GYS1: variants seen among roughly 807,000 people sequenced by gnomAD.
The protein encoded by GYS1 is glycogen [starch] synthase, muscle.
A neutral mutation model predicts 89.1 loss-of-function variants in GYS1; 60 were observed. The observed-to-expected ratio is 0.67, with a 90% CI of 0.55 to 0.84. The LOEUF (loss-of-function observed/expected upper bound fraction) is 0.84. Among genes scored for constraint, GYS1 ranks in the 40% least tolerant of loss-of-function variants. The pLI is 0.00. For synonymous variants in GYS1, 366 were observed against 401.7 expected (o/e 0.91, Z 1.06); for missense variants, 888 against 1,003.1 (o/e 0.89, Z 1.55).
Position 48,982,335 on chromosome 19 carries a change from TAAA to T in GYS1, c.979_981del (p.Phe327del). 4 of 1,613,782 alleles carry T rather than the reference TAAA, an allele frequency of 2.5e-6. No individual in the cohort carries two copies. The highest frequency in any genetic ancestry group is 1.7e-6 in the Non-Finnish European group (2 of 1,179,884). ...TTGGAGAACTCATAGCGGCCGGCGA[TAAA>T]GAAGTATAAGGTCTTGTCCAAGTTG... On this transcript the variant is annotated inframe_deletion, in exon 7 of 16. Coordinates refer to ENST00000323798, the MANE Select transcript of GYS1 (RefSeq NM_002103.5).
intron 8 of GYS1, among the ~76,000 whole-genome samples, chr19:48,978,787 G>A (rs1054774317): frequency 1.3e-5 from 2 of 151,916 alleles, no homozygotes; most frequent in African/African-American, 4.8e-5. Context: ...TGGCCACCTC[G>A]GCCTCCCAAA....
rs747270749 is a variant in GYS1 at position 48,974,352 on chromosome 19, A to T, written c.1423-13T>A. 3.7e-6 allele frequency: 6 copies of T among 1,613,758 alleles called. No individual in the cohort carries two copies. Among genetic ancestry groups the T allele is most frequent in the Non-Finnish European group, 5.1e-6 (6 of 1,179,940 alleles). On this transcript the variant is annotated splice_polypyrimidine_tract_variant and intron_variant, in intron 11 of 15. Transcript: ENST00000323798. Reference sequence around the variant, plus strand: ...GGTGGAAAATCACCTGGTAGTGAAAAAGAAGGACTCAGCCCAAGTGCCTTA... The same window carrying T: ...GGTGGAAAATCACCTGGTAGTGAAATAGAAGGACTCAGCCCAAGTGCCTTA...
At chr19:48,975,685 T>G (rs1463554955) in intron 10 of GYS1, among the ~76,000 whole-genome samples, 1 of 151,554 alleles carries the variant, frequency 6.6e-6, no homozygotes, top group Non-Finnish European at 1.5e-5. Flanking sequence ...CCCAGCACTC[T>G]GGGAGGCCGA....
intron 12 of GYS1, among the ~76,000 whole-genome samples, chr19:48,973,844 T>C (rs2038602802): frequency 6.6e-6 from 1 of 152,128 alleles, no homozygotes; most frequent in Non-Finnish European, 1.5e-5. Flanking sequence ...CACTGGCTAA[T>C]GTGAACCAAC....
Position 48,990,002 on chromosome 19 carries a change from G to GA in GYS1, c.300+1299_300+1300insT, listed in dbSNP as rs1555800132. Reference sequence around the variant, plus strand: ...AGCTGTTGTCTGCCCTTTTGCTGGGGGGGGGGGGGGGCTATTCTTAGGCCC... The same window carrying GA: ...AGCTGTTGTCTGCCCTTTTGCTGGGGAGGGGGGGGGGGCTATTCTTAGGCCC... On this transcript the variant is annotated intron_variant, in intron 2 of 15. Coordinates refer to ENST00000323798, the MANE Select transcript of GYS1 (RefSeq NM_002103.5). Among the ~76,000 whole-genome samples, 5 of 146,524 alleles carry GA rather than the reference G, an allele frequency of 3.4e-5. No individual in the cohort carries two copies. The East Asian group carries it at 6.0e-4, about 17-fold the overall frequency.
At position 48,987,303 on chromosome 19, in the gene GYS1, C is replaced by T. The variant is rs755470149; in HGVS notation, c.383G>A (p.Arg128His). Residue 128 changes from arginine (R) to histidine (H), a missense_variant, in exon 3 of 16, where the codon CGC becomes CAC. By Grantham distance (29) the Arg-to-His change is conservative. Coordinates refer to ENST00000323798, the MANE Select transcript of GYS1 (RefSeq NM_002103.5). The part of the protein sequence containing the change: ...DVGASAWALE[R>H]WKGELWDTCN... ...GGTATCCCAGAGCTCTCCCTTCCAG[C>T]GCTCCAGGGCCCAAGCTGAGGCACC... 23 of 1,612,392 alleles carry T rather than the reference C, an allele frequency of 1.4e-5. No homozygotes were observed. Among genetic ancestry groups the T allele is most frequent in the East Asian group, 2.2e-5 (1 of 44,858 alleles).
chr19:48,974,187 C>T (rs375448385), intron 12 of GYS1, 26 bp downstream of exon 12: 128 of 1,574,910 alleles, frequency 8.1e-5, no homozygotes, highest in Non-Finnish European at 1.0e-4. Flanking sequence ...GCCATGACCA[C>T]GCTGTCCCCT....
Position 48,970,637 on chromosome 19 carries a change from CTG to C in GYS1, c.1716_1717del (p.Tyr572Ter), listed in dbSNP as rs1265658491. 6 of 1,613,932 alleles carry C rather than the reference CTG, an allele frequency of 3.7e-6. No homozygotes were observed. Among genetic ancestry groups the C allele is most frequent in the Admixed American group, 3.3e-5 (2 of 59,994 alleles). On this transcript the variant is annotated stop_gained and frameshift_variant, in exon 14 of 16. Coordinates refer to ENST00000323798, the MANE Select transcript of GYS1 (RefSeq NM_002103.5). LOFTEE classifies it high-confidence loss of function. The stretch of plus-strand genomic sequence containing the variant: ...CTGCCGCCGGCTCTGCTGACAGAAA[CTG>C]TAGAGGAAGGAGGTGAGCTGCGAGC...
chr19:48,978,243 G>A, intron 8 of GYS1, 86 bp from the exon 9 acceptor site: 1 of 1,221,004 alleles, frequency 8.2e-7, no homozygotes, highest in Admixed American at 1.7e-5. Context: ...TGTTTATTTT[G>A]AGACGGAGTT....
chr19:48,982,414 C>T (rs543780443), intron 6 of GYS1, 39 bp from the exon 7 acceptor site: 1 of 1,613,046 alleles, frequency 6.2e-7, no homozygotes, highest in East Asian at 2.2e-5. Context: ...CCAAAGCCCT[C>T]ACCCGCTAGC....
At chr19:48,984,838 G>A (rs566768308) in intron 5 of GYS1, among the ~76,000 whole-genome samples, 36 of 151,724 alleles carry the variant, frequency 2.4e-4, no homozygotes, top group African/African-American at 5.6e-4. Flanking sequence ...CCAAGATAGC[G>A]CCACTGCACT....
Position 48,993,114 on chromosome 19 carries a change from G to A in GYS1, c.-2C>T. On this transcript the variant is annotated 5_prime_UTR_variant, in exon 1 of 16. Coordinates refer to ENST00000323798, the MANE Select transcript of GYS1 (RefSeq NM_002103.5). The stretch of plus-strand genomic sequence containing the variant: ...GGACAAAGTGCGGTTTAAAGGCATG[G>A]CTGGCGCAGGAAGGGGGGCTCCGGG... 6.5e-7 allele frequency: 1 copy of A among 1,548,974 alleles called. No homozygotes were observed. The highest frequency in any genetic ancestry group is 8.9e-7 in the Non-Finnish European group (1 of 1,120,896).
At position 48,991,414 on chromosome 19, in the gene GYS1, AAGT is replaced by A; in HGVS notation, c.185_187del (p.Tyr62del). On this transcript the variant is annotated inframe_deletion, in exon 2 of 16. Transcript: ENST00000323798. The surrounding 1 kb of genome is among the most constrained non-coding windows in gnomAD (Gnocchi z 4.7). ...CTGCTCCGTGTACGGCCCCACCAGG[AAGT>A]AGTTGTCGCCCCATTCGTCCCCTGT... 1 of 1,614,012 alleles carries A rather than the reference AAGT, an allele frequency of 6.2e-7. No homozygotes were observed. Among genetic ancestry groups the A allele is most frequent in the South Asian group, 1.1e-5 (1 of 91,074 alleles).
rs963688743 is a variant in GYS1 at position 48,968,241 on chromosome 19, C to T, written c.*1047G>A. ...CAAGCGGTGCAGACACAGCACAGCACACATGAGGGGCCCTCCCTTTCACCA... is the reference window on the plus strand; with the variant it reads ...CAAGCGGTGCAGACACAGCACAGCATACATGAGGGGCCCTCCCTTTCACCA... On this transcript the variant is annotated 3_prime_UTR_variant, in exon 16 of 16. Transcript: ENST00000323798. The T allele has an allele frequency of 4.4e-5, 20 of 454,216 alleles. No homozygotes were observed. Among genetic ancestry groups the T allele is most frequent in the Non-Finnish European group, 8.8e-5 (20 of 226,816 alleles). 28.1% of individuals were successfully genotyped at this position (454,216 alleles called of 1,614,324 possible).
At position 48,968,295 on chromosome 19, in the gene GYS1, T is replaced by C. The variant is rs1363734352; in HGVS notation, c.*993A>G. 3 of 454,268 alleles carry C rather than the reference T, an allele frequency of 6.6e-6. No homozygotes were observed. The highest frequency in any genetic ancestry group is 2.0e-5 in the African/African-American group (1 of 49,942). The allele number at this position is 454,268 out of a possible 1,614,324, so 28.1% of individuals were successfully genotyped here. A position where few individuals can be genotyped will look rare whatever the true frequency, so the allele number is the denominator to read the frequency against. On this transcript the variant is annotated 3_prime_UTR_variant, in exon 16 of 16. Transcript: ENST00000323798. ...CTGAAGGCAGGGCACAGTTTGGGGA[T>C]GGAAGAGCCTCGAGGTAAATGTGGG...
At chr19:48,982,175 G>T in intron 7 of GYS1, 80 bp downstream of exon 7, 1 of 1,431,252 alleles carries the variant, frequency 7.0e-7, no homozygotes, top group Non-Finnish European at 9.8e-7. Flanking sequence ...TTACAGGTGT[G>T]AGCCACTGTG....
intron 10 of GYS1, 102 bp downstream of exon 10, chr19:48,977,822 A>C (rs2038682322): frequency 1.2e-6 from 1 of 857,994 alleles, no homozygotes; most frequent in Non-Finnish European, 2.0e-6. Context: ...CTGCAGGAGA[A>C]AGCAGGACTC....
chr19:48,972,892 T>C (rs1463228055), intron 12 of GYS1, among the ~76,000 whole-genome samples: 1 of 152,140 alleles, frequency 6.6e-6, no homozygotes, highest in Non-Finnish European at 1.5e-5. Context: ...TGACAGATAC[T>C]CAAGAGGCTG....
Position 48,991,333 on chromosome 19 carries a change from G to A in GYS1, c.269C>T (p.Thr90Ile). The change falls in exon 2 of 16, where the codon ACA becomes ATA. Residue 90 changes from threonine (T) to isoleucine (I), a missense_variant. By Grantham distance (89) the Thr-to-Ile change is moderately conservative. Transcript: ENST00000323798. This position sits in a 1 kb window ranked among gnomAD's most constrained non-coding sequence, Gnocchi z 4.7. Reference protein sequence around the residue: ...LEAPTPALKRTLDSMNSKGCK... With the variant: ...LEAPTPALKRILDSMNSKGCK... ...GCCCTTGCTGTTCATGGAATCCAGTGTCCTCTTCAGGGCCGGGGTGGGGGC... is the reference window on the plus strand; with the variant it reads ...GCCCTTGCTGTTCATGGAATCCAGTATCCTCTTCAGGGCCGGGGTGGGGGC... The A allele has an allele frequency of 6.2e-7, 1 of 1,614,048 alleles. No individual in the cohort carries two copies. The highest frequency in any genetic ancestry group is 8.5e-7 in the Non-Finnish European group (1 of 1,180,050).
Sources: allele counts gnomAD v4.1 joint callset (sites outside exome capture counted in the v4.1 genomes callset), GRCh38; gene constraint gnomAD v4.1.1; non-coding constraint Gnocchi (gnomAD v3.1); transcripts MANE v1.5; gene names NCBI Gene and HGNC (gene_info 2026-07-23, HGNC 2026-07-21).